Variants in SIVA1 observed in about 807,000 individuals in gnomAD.
SIVA1 encodes the protein apoptosis regulatory protein Siva.
A neutral mutation model predicts 19.7 loss-of-function variants in SIVA1; 10 were observed. The observed-to-expected ratio is 0.51, with a 90% CI of 0.31 to 0.86. The LOEUF (loss-of-function observed/expected upper bound fraction) is 0.86. SIVA1 is among the 40% of genes least tolerant of loss of function. SIVA1 has a pLI of 0.04. For synonymous variants in SIVA1, 130 were observed against 106.1 expected, an observed-to-expected ratio of 1.23 and a Z score of -1.39; for missense variants, 241 against 245.2, an observed-to-expected ratio of 0.98 and a Z score of 0.11.
Position 104,759,456 on chromosome 14 carries a change from T to C in SIVA1, c.499T>C (p.Cys167Arg). 1 of 1,612,886 alleles carries C rather than the reference T, an allele frequency of 6.2e-7. No homozygotes were observed. The highest frequency in any genetic ancestry group is 8.5e-7 in the Non-Finnish European group (1 of 1,179,930). ...CAGTGACATGTACGAGAAAGTGCTG[T>C]GCACCAGCTGTGCCATGTTCGAGAC... ...DCSDMYEKVLCTSCAMFET is the reference protein window; with the variant it reads ...DCSDMYEKVLRTSCAMFET The change falls in exon 4 of 4, where the codon TGC (cysteine) becomes CGC (arginine). Residue 167 changes from cysteine (C) to arginine (R), a missense_variant. Transcript: ENST00000329967. The surrounding 1 kb of genome is among the most constrained non-coding windows in gnomAD (Gnocchi z 4.2).
At chr14:104,753,610 C>A in intron 1 of SIVA1, 1 of 484,114 alleles carries the variant, frequency 2.1e-6, no homozygotes, top group Non-Finnish European at 3.8e-6. Flanking sequence ...AGTCGCCGCC[C>A]TGCAGTGAGC....
At chr14:104,758,649 C>G (rs551046424) in intron 3 of SIVA1, 2 of 152,222 alleles carry the variant, frequency 1.3e-5, no homozygotes, top group East Asian at 1.9e-4. Context: ...GCTAGCACGC[C>G]CAGCTAATTT....
At chr14:104,757,002 CCT>C in intron 3 of SIVA1, 1 of 563,220 alleles carries the variant, frequency 1.8e-6, no homozygotes, top group Non-Finnish European at 3.2e-6. Context: ...GGCTCTAGTC[CCT>C]GTCTTCAGCC....
chr14:104,753,640 C>T (rs965456068), intron 1 of SIVA1: 4 of 445,254 alleles, frequency 9.0e-6, no homozygotes, highest in African/African-American at 2.0e-5. Context: ...CTGGTGCTTT[C>T]TCAGGACTGT....
chr14:104,759,417 C>T lies in SIVA1; in HGVS notation c.471-11C>T, dbSNP rs553915968. 1.9e-4 allele frequency: 304 copies of T among 1,612,440 alleles called. 3 individuals are homozygous for T. The South Asian group carries it at 2.6e-3, about 14-fold the overall frequency. On this transcript the variant is annotated splice_polypyrimidine_tract_variant and intron_variant, in intron 3 of 3. Transcript: ENST00000329967. This position sits in a 1 kb window ranked among gnomAD's most constrained non-coding sequence, Gnocchi z 4.2. The stretch of plus-strand genomic sequence containing the variant: ...AGCAGCTTTTCTCTCCCCTCCCTGA[C>T]GCTGTCGCAGCTGCAGTGACATGTA...
At position 104,759,145 on chromosome 14, in the gene SIVA1, G is replaced by A. The variant is rs150765719; in HGVS notation, c.471-283G>A. ...CTGGCATCTGCTGGTTATCTTTGGT[G>A]TTCCCTGTAGACAGCTGCCCCCTCC... On this transcript the variant is annotated intron_variant, in intron 3 of 3. Transcript: ENST00000329967. This position sits in a 1 kb window ranked among gnomAD's most constrained non-coding sequence, Gnocchi z 4.2. 2.1e-4 allele frequency: 62 copies of A among 294,702 alleles called. No homozygotes were observed. Among genetic ancestry groups the A allele is most frequent in the Non-Finnish European group, 3.3e-4 (52 of 158,518 alleles). 18.3% of individuals were successfully genotyped at this position (294,702 alleles called of 1,614,324 possible).
rs539489780 is a variant in SIVA1 at position 104,759,510 on chromosome 14, A to G, written c.*25A>G. On this transcript the variant is annotated 3_prime_UTR_variant, in exon 4 of 4. Coordinates refer to ENST00000329967, the MANE Select transcript of SIVA1 (RefSeq NM_006427.4). The surrounding 1 kb of genome is among the most constrained non-coding windows in gnomAD (Gnocchi z 4.2). ...AGGCTGGCTCAAGCCGGCTGCCTTC[A>G]CCGGGAGCCACGCCGTGCATGGCAG... 2.5e-6 allele frequency: 4 copies of G among 1,601,714 alleles called. No homozygotes were observed. The highest frequency in any genetic ancestry group is 1.3e-5 in the African/African-American group (1 of 74,892).
Position 104,756,731 on chromosome 14 carries a change from C to G in SIVA1, c.441C>G (p.Ser147=), listed in dbSNP as rs139604480. Residue 147 remains serine, a synonymous_variant, in exon 3 of 4, where the codon TCC becomes TCG. Transcript: ENST00000329967. ...TGCGCACCTGCTGGGGCTGCGGCTC[C>G]GTGGCCTGTACCCTGTGTGGCCTCG... The part of the protein sequence containing the change: ...QCVRTCWGCG[S]VACTLCGLVD... The G allele has an allele frequency of 2.3e-5, 37 of 1,613,666 alleles. No individual in the cohort carries two copies. The African/African-American group carries it at 4.8e-4, about 21-fold the overall frequency.
At chr14:104,755,927 G>GAGTCCTGCTTACC in intron 2 of SIVA1, 103 bp downstream of exon 2, 1 of 1,122,062 alleles carries the variant, frequency 8.9e-7, no homozygotes, top group Non-Finnish European at 1.3e-6. Flanking sequence ...CCCTGGGTAA[G>GAGTCCTGCTTACC]CAGGACTCTG....
At chr14:104,753,920 G>C (rs1330998167) in intron 1 of SIVA1, 1 of 351,106 alleles carries the variant, frequency 2.8e-6, no homozygotes. Context: ...GGGATGGCAC[G>C]GAAGGCTTCT....
chr14:104,756,735 G>A lies in SIVA1; in HGVS notation c.445G>A (p.Ala149Thr), dbSNP rs761191242. ...VRTCWGCGSVACTLCGLVDCS... is the reference protein window; with the variant it reads ...VRTCWGCGSVTCTLCGLVDCS... ...CACCTGCTGGGGCTGCGGCTCCGTG[G>A]CCTGTACCCTGTGTGGCCTCGTGGA... Residue 149 changes from alanine to threonine, a missense_variant, in exon 3 of 4, where the codon GCC (alanine) becomes ACC (threonine). By Grantham distance (58) the Ala-to-Thr change is moderately conservative. Transcript: ENST00000329967. The A allele has an allele frequency of 1.2e-6, 2 of 1,613,480 alleles. No homozygotes were observed. The highest frequency in any genetic ancestry group is 1.7e-6 in the Non-Finnish European group (2 of 1,179,584).
intron 3 of SIVA1, chr14:104,758,039 C>G (rs1891955189): frequency 6.6e-6 from 1 of 152,384 alleles, no homozygotes; most frequent in Admixed American, 6.5e-5. Context: ...TTCCAGGTCA[C>G]AAGCCAGAAG....
chr14:104,755,655 C>T lies in SIVA1; in HGVS notation c.144C>T (p.Leu48=), dbSNP rs370505046. 56 of 1,613,112 alleles carry T rather than the reference C, an allele frequency of 3.5e-5. No homozygotes were observed. Among genetic ancestry groups the T allele is most frequent in the South Asian group, 5.5e-5 (5 of 91,004 alleles). Residue 48 remains leucine (L), a synonymous_variant, in exon 2 of 4, where the codon CTC becomes CTT. Coordinates refer to ENST00000329967, the MANE Select transcript of SIVA1 (RefSeq NM_006427.4). ...VFEKTKRLLF[L]GAQAYLDHVW... ...AGAAGACCAAGCGACTCCTGTTCCT[C>T]GGGGCCCAGGCCTACCTGGACCACG...
At chr14:104,753,786 C>G (rs1344390053) in intron 1 of SIVA1, 1 of 455,092 alleles carries the variant, frequency 2.2e-6, no homozygotes, top group Non-Finnish European at 4.4e-6. Context: ...TCTCGGGAGA[C>G]CAAAGGCAGG....
chr14:104,756,751 G>A lies in SIVA1; in HGVS notation c.461G>A (p.Gly154Asp). The A allele has an allele frequency of 1.2e-6, 2 of 1,611,172 alleles. No homozygotes were observed. The highest frequency in any genetic ancestry group is 1.7e-6 in the Non-Finnish European group (2 of 1,178,130). The change falls in exon 3 of 4, where the codon GGC becomes GAC. Residue 154 changes from glycine to aspartate, a missense_variant. Coordinates refer to ENST00000329967, the MANE Select transcript of SIVA1 (RefSeq NM_006427.4). ...GGCTCCGTGGCCTGTACCCTGTGTG[G>A]CCTCGTGGAGTAAGTACTTCAGTCC... is the stretch of plus-strand genomic sequence containing the variant. ...GCGSVACTLC[G>D]LVDCSDMYEK...
chr14:104,755,580 G>C (rs1207112498), intron 1 of SIVA1, 50 bp from the exon 2 acceptor site: 1 of 1,521,260 alleles, frequency 6.6e-7, no homozygotes, highest in Non-Finnish European at 9.0e-7. Flanking sequence ...CCATGCAGGG[G>C]CTTCGTTGGT....
intron 2 of SIVA1, chr14:104,756,083 G>T: frequency 1.6e-6 from 1 of 614,622 alleles, no homozygotes; most frequent in East Asian, 3.1e-5. Context: ...TCCGCCTGCA[G>T]CCCCCTCAGA....
intron 3 of SIVA1, chr14:104,757,291 G>A (rs746421979): frequency 2.3e-5 from 10 of 444,004 alleles, no homozygotes; most frequent in African/African-American, 6.1e-5. Flanking sequence ...CTCACCTGGT[G>A]GATGGGAGTG....
intron 3 of SIVA1, chr14:104,757,230 A>G (rs1433953840): frequency 5.1e-6 from 2 of 394,438 alleles, no homozygotes; most frequent in Non-Finnish European, 1.0e-5. Context: ...AGCTGGCTGG[A>G]TCCCGTCCTT....
Sources: gnomAD v4.1 joint callset for allele counts on GRCh38, gnomAD v4.1.1 for gene constraint, Gnocchi (gnomAD v3.1) non-coding constraint, MANE v1.5 for transcripts, NCBI Gene and HGNC (gene_info 2026-07-23, HGNC 2026-07-21) for gene names.